The following GPR137C variants were observed in gnomAD, a reference collection of about 807,000 sequenced individuals.
GPR137C encodes G protein-coupled receptor 137C, also known as integral membrane protein GPR137C.
In GPR137C, 27 loss-of-function variants were observed where a neutral mutation model predicts 43.4. The ratio of observed to expected loss-of-function variants is 0.62; its 90% confidence interval spans 0.46 to 0.86. The LOEUF (loss-of-function observed/expected upper bound fraction) is 0.86, where lower values mean the gene tolerates loss of function less well. GPR137C is among the 40% of genes least tolerant of loss of function. GPR137C has a pLI of 0.00. For synonymous variants in GPR137C, 285 were observed against 226.9 expected (o/e 1.26, Z -2.30); for missense variants, 522 against 534.6 (o/e 0.98, Z 0.23).
intron 3 of GPR137C, among the ~76,000 whole-genome samples, chr14:52,610,220 A>G (rs1434914464): frequency 1.3e-5 from 2 of 152,048 alleles, no homozygotes; most frequent in Non-Finnish European, 2.9e-5. Flanking sequence ...TTATTCATTT[A>G]TTTTCTTAGT....
chr14:52,583,197 A>G (rs915144635), intron 1 of GPR137C, among the ~76,000 whole-genome samples: 4 of 152,230 alleles, frequency 2.6e-5, no homozygotes, highest in South Asian at 2.1e-4. Flanking sequence ...AAAAATCTAC[A>G]TAAAGCATGT....
intron 3 of GPR137C, among the ~76,000 whole-genome samples, chr14:52,614,274 C>A (rs1004019252): frequency 6.6e-6 from 1 of 151,846 alleles, no homozygotes; most frequent in Non-Finnish European, 1.5e-5. Context: ...GCATGCACCA[C>A]CACACCTGGC....
intron 3 of GPR137C, among the ~76,000 whole-genome samples, chr14:52,614,647 C>T (rs761628620): frequency 1.3e-5 from 2 of 151,970 alleles, no homozygotes; most frequent in Non-Finnish European, 2.9e-5. Context: ...GCCACCATGC[C>T]CGACTAATTT....
chr14:52,581,858 AAG>A (rs1242913311), intron 1 of GPR137C, among the ~76,000 whole-genome samples: 1 of 152,186 alleles, frequency 6.6e-6, no homozygotes, highest in Non-Finnish European at 1.5e-5. Context: ...AGATCAACAA[AAG>A]AGGGAAAATT....
chr14:52,598,360 CATTA>C, intron 2 of GPR137C, 45 bp downstream of exon 2: 1 of 775,492 alleles, frequency 1.3e-6, no homozygotes, highest in East Asian at 2.8e-5. Flanking sequence ...AGATCTAAAG[CATTA>C]ATTCATTAAT....
rs1246070088 is a variant in GPR137C at position 52,637,212 on chromosome 14, C to A, written c.*2097C>A. The A allele has an allele frequency of 1.3e-5, 2 of 152,002 alleles. No homozygotes were observed. The highest frequency in any genetic ancestry group is 4.8e-5 in the African/African-American group (2 of 41,400). 9.4% of individuals were successfully genotyped at this position (152,002 alleles called of 1,614,324 possible). On this transcript the variant is annotated 3_prime_UTR_variant, in exon 7 of 7. Transcript: ENST00000321662. ...TCCTTATACACATCTAACATATCAC[C>A]AAAGACAAATAAAGATACACTCTGG...
At chr14:52,612,053 T>A in intron 3 of GPR137C, 1 of 985,406 alleles carries the variant, frequency 1.0e-6, no homozygotes, top group Non-Finnish European at 1.2e-6. Context: ...TCACTGTTAT[T>A]TGTCTGTTAA....
At chr14:52,612,446 T>C (rs1355617876) in intron 3 of GPR137C, 1 of 982,862 alleles carries the variant, frequency 1.0e-6, no homozygotes, top group South Asian at 4.7e-5. Context: ...AAAATCAGTT[T>C]TGTTTTGCTT....
At chr14:52,554,728 T>A (rs79819676) in intron 1 of GPR137C, among the ~76,000 whole-genome samples, 7 of 146,230 alleles carry the variant, frequency 4.8e-5, no homozygotes, top group Non-Finnish European at 1.1e-4. Context: ...AAAAAAAAAA[T>A]GACGTATATT....
chr14:52,634,468 G>A lies in GPR137C; in HGVS notation c.1113-470G>A, dbSNP rs1314964715. Among the ~76,000 whole-genome samples, 2 of 152,076 alleles carry A rather than the reference G, an allele frequency of 1.3e-5. 1 individual carries two copies. The highest frequency in any genetic ancestry group is 3.8e-4 in the East Asian group (2 of 5,198). ...CCATGAAGCATAATGGCTTCAGCTTGATATGACATTTTCTGTAATCCTAAC... is the reference window on the plus strand; with the variant it reads ...CCATGAAGCATAATGGCTTCAGCTTAATATGACATTTTCTGTAATCCTAAC... On this transcript the variant is annotated intron_variant, in intron 6 of 6. Coordinates refer to ENST00000321662, the MANE Select transcript of GPR137C (RefSeq NM_001099652.2).
rs563229604 is a variant in GPR137C at position 52,619,948 on chromosome 14, C to T, written c.718-12212C>T. 8.5e-5 allele frequency among the ~76,000 whole-genome samples: 13 copies of T among 152,108 alleles called. No individual in the cohort carries two copies. The East Asian group carries it at 2.5e-3, about 29-fold the overall frequency. On this transcript the variant is annotated intron_variant, in intron 3 of 6. Coordinates refer to ENST00000321662, the MANE Select transcript of GPR137C (RefSeq NM_001099652.2). ...AAGATTATTTGAAAAAAAATACATG[C>T]ACGATTCTATGTCTGGTAATGGCTA...
chr14:52,632,276 A>G lies in GPR137C; in HGVS notation c.834A>G (p.Pro278=), dbSNP rs181651640. 27 of 1,611,084 alleles carry G rather than the reference A, an allele frequency of 1.7e-5. No individual in the cohort carries two copies. In the Admixed American group the frequency reaches 2.3e-4, roughly 14 times the overall value. Residue 278 remains proline, a synonymous_variant, in exon 4 of 7, where the codon CCA becomes CCG. Coordinates refer to ENST00000321662, the MANE Select transcript of GPR137C (RefSeq NM_001099652.2). ...VTISQDTLES[P]FNYGWDNLSD... ...TATCTCAGGATACATTAGAAAGTCC[A>G]TTTAATTATGGCTGGGATAATCTTT...
At chr14:52,558,454 A>G (rs958201034) in intron 1 of GPR137C, among the ~76,000 whole-genome samples, 2 of 152,244 alleles carry the variant, frequency 1.3e-5, no homozygotes, top group African/African-American at 4.8e-5. Flanking sequence ...CTAAATTCAC[A>G]TCAGTTCTGT....
chr14:52,557,709 T>C (rs1046889062), intron 1 of GPR137C, among the ~76,000 whole-genome samples: 1 of 152,222 alleles, frequency 6.6e-6, no homozygotes, highest in Non-Finnish European at 1.5e-5. Flanking sequence ...TCAAAGCACT[T>C]TGTAACATTT....
At chr14:52,598,360 C>T in intron 2 of GPR137C, 45 bp downstream of exon 2, 1 of 775,492 alleles carries the variant, frequency 1.3e-6, no homozygotes, top group Non-Finnish European at 2.1e-6. Context: ...AGATCTAAAG[C>T]ATTAATTCAT....
chr14:52,570,210 G>T (rs956906234), intron 1 of GPR137C, among the ~76,000 whole-genome samples: 1 of 152,138 alleles, frequency 6.6e-6, no homozygotes, highest in Non-Finnish European at 1.5e-5. Context: ...TTGAAGAAAA[G>T]AATTTTCAAC....
At chr14:52,620,291 G>A (rs976353894) in intron 3 of GPR137C, among the ~76,000 whole-genome samples, 13 of 152,006 alleles carry the variant, frequency 8.6e-5, no homozygotes, top group Admixed American at 8.5e-4. Context: ...TTATTATAAA[G>A]TCTGTCAAAA....
chr14:52,588,474 T>C (rs1219122558), intron 1 of GPR137C, among the ~76,000 whole-genome samples: 1 of 152,170 alleles, frequency 6.6e-6, no homozygotes, highest in Non-Finnish European at 1.5e-5. Context: ...TCACAGTAAT[T>C]GGACAAATCA....
Position 52,611,805 on chromosome 14 carries a change from T to C in GPR137C, c.717+11464T>C, listed in dbSNP as rs563967679. On this transcript the variant is annotated intron_variant, in intron 3 of 6. Coordinates refer to ENST00000321662, the MANE Select transcript of GPR137C (RefSeq NM_001099652.2). ...TCTCTGTCCACCTTTAAACTGAAGATAAAGTATAGTAATCATGTCCATAGT... is the reference window on the plus strand; with the variant it reads ...TCTCTGTCCACCTTTAAACTGAAGACAAAGTATAGTAATCATGTCCATAGT... 7 of 488,924 alleles carry C rather than the reference T, an allele frequency of 1.4e-5. No individual in the cohort carries two copies. The South Asian group carries it at 6.2e-4, about 43-fold the overall frequency. 30.3% of individuals were successfully genotyped at this position (488,924 alleles called of 1,614,324 possible).
Sources: allele counts gnomAD v4.1 joint callset (sites outside exome capture counted in the v4.1 genomes callset), GRCh38; gene constraint gnomAD v4.1.1; transcripts MANE v1.5; gene names NCBI Gene and HGNC (gene_info 2026-07-23, HGNC 2026-07-21).